The following PNPLA4 variants were observed in gnomAD, a reference collection of about 807,000 sequenced individuals.
PNPLA4 encodes the protein patatin-like phospholipase domain-containing protein 4.
PNPLA4 carries 15 observed loss-of-function variants against 18.3 expected under a neutral mutation model. That is an observed-to-expected ratio of 0.82 (90% CI 0.55 to 1.26). The LOEUF (loss-of-function observed/expected upper bound fraction) is 1.26, where lower values mean the gene tolerates loss of function less well. Among genes scored for constraint, PNPLA4 ranks in the 50% most tolerant of loss-of-function variants. The probability of loss-of-function intolerance (pLI) is 0.00; values close to 1 mark genes in which losing one functional copy is unlikely to be tolerated. For synonymous variants in PNPLA4, 88 were observed against 85.6 expected (o/e 1.03, Z -0.16); for missense variants, 229 against 196.8 (o/e 1.16, Z -0.98).
At chrX:7,922,197 G>T in intron 2 of PNPLA4, 99 bp from the exon 3 acceptor site, 1 of 604,567 alleles carries the variant, frequency 1.7e-6, no homozygotes, top group Admixed American at 2.8e-5. Context: ...AGCAAATGTA[G>T]GGTGTCATGT....
chrX:7,908,368 A>C, intron 5 of PNPLA4, among the ~76,000 whole-genome samples: 1 of 112,447 alleles, frequency 8.9e-6, no homozygotes. Flanking sequence ...CTGTATGAAA[A>C]CATGAAAATC....
At chrX:7,921,897 C>T in intron 3 of PNPLA4, 49 bp from the exon 4 acceptor site, 4 of 1,141,166 alleles carry the variant, frequency 3.5e-6, no homozygotes, top group Non-Finnish European at 3.6e-6. Context: ...TTATTGAACT[C>T]CCTGTAAATA....
chrX:7,906,279 C>T (rs769573895), intron 5 of PNPLA4, among the ~76,000 whole-genome samples: 17 of 111,451 alleles, frequency 1.5e-4, no homozygotes, highest in Non-Finnish European at 2.8e-4. Context: ...CTTCCAATTA[C>T]GGTGGGAAGA....
chrX:7,903,076 G>A (rs933202299), intron 5 of PNPLA4, among the ~76,000 whole-genome samples: 15 of 111,806 alleles, frequency 1.3e-4, no homozygotes, highest in Non-Finnish European at 2.4e-4. Context: ...TGAAAGTCCT[G>A]TATGCAGGAA....
At chrX:7,906,883 A>T (rs1185558411) in intron 5 of PNPLA4, among the ~76,000 whole-genome samples, 1 of 112,594 alleles carries the variant, frequency 8.9e-6, no homozygotes, top group Non-Finnish European at 1.9e-5. Flanking sequence ...ACAACAGTGC[A>T]TTTTCACGTT....
intron 2 of PNPLA4, among the ~76,000 whole-genome samples, chrX:7,923,608 G>A (rs1164488889): frequency 8.0e-5 from 9 of 111,980 alleles, no homozygotes; most frequent in African/African-American, 2.9e-4. Flanking sequence ...GGTTGCCAAA[G>A]GTTTCCCTCC....
intron 4 of PNPLA4, among the ~76,000 whole-genome samples, chrX:7,912,685 A>G (rs1057310632): frequency 1.8e-5 from 2 of 112,531 alleles, no homozygotes; most frequent in Middle Eastern, 4.6e-3. Flanking sequence ...GGAAATTACC[A>G]TTCCATACAT....
chrX:7,902,856 C>A (rs1923583389), intron 5 of PNPLA4, among the ~76,000 whole-genome samples: 1 of 111,982 alleles, frequency 8.9e-6, no homozygotes, highest in Admixed American at 9.5e-5. Flanking sequence ...GAAATGGTGA[C>A]TGAAGAACCA....
chrX:7,915,642 G>T (rs1924024555), intron 4 of PNPLA4, among the ~76,000 whole-genome samples: 2 of 111,920 alleles, frequency 1.8e-5, no homozygotes, highest in African/African-American at 6.5e-5. Context: ...TTCCCGACAC[G>T]TTCTGATTGA....
chrX:7,904,861 AG>A (rs1405877997), intron 5 of PNPLA4, among the ~76,000 whole-genome samples: 2 of 111,460 alleles, frequency 1.8e-5, no homozygotes, highest in Non-Finnish European at 3.8e-5. Context: ...CTACCCCGTT[AG>A]AGTTTTCCTG....
chrX:7,916,842 G>C (rs916325829), intron 4 of PNPLA4, among the ~76,000 whole-genome samples: 8 of 111,901 alleles, frequency 7.1e-5, no homozygotes, highest in African/African-American at 2.6e-4. Context: ...ATAAAGACAT[G>C]ATTTTGGAGG....
intron 2 of PNPLA4, among the ~76,000 whole-genome samples, chrX:7,924,798 T>C (rs1252122648): frequency 8.9e-6 from 1 of 112,322 alleles, no homozygotes; most frequent in African/African-American, 3.2e-5. Context: ...CATTTTTTAA[T>C]TTGCTGATAA....
chrX:7,908,465 C>T (rs1204663584), intron 5 of PNPLA4, among the ~76,000 whole-genome samples: 1 of 112,341 alleles, frequency 8.9e-6, no homozygotes, highest in Non-Finnish European at 1.9e-5. Context: ...TAAAACACTG[C>T]ATTTAAAGCA....
intron 5 of PNPLA4, 121 bp downstream of exon 5, chrX:7,911,907 A>G: frequency 6.5e-6 from 3 of 464,388 alleles, no homozygotes; most frequent in South Asian, 3.2e-5. Context: ...AAACAAAGCT[A>G]TTTAGGAGGA....
upstream of PNPLA4, chrX:7,927,475 G>A (rs1924475949): frequency 8.8e-6 from 1 of 113,568 alleles, no homozygotes; most frequent in Non-Finnish European, 1.9e-5. Flanking sequence ...GCCGACGAAG[G>A]CGCCCGCTAG....
chrX:7,909,319 G>A (rs1306265010), intron 5 of PNPLA4, among the ~76,000 whole-genome samples: 1 of 111,677 alleles, frequency 9.0e-6, no homozygotes, highest in African/African-American at 3.3e-5. Context: ...CAGCACTTTC[G>A]GAAGCCAAGG....
intron 5 of PNPLA4, among the ~76,000 whole-genome samples, chrX:7,909,786 T>C: frequency 9.0e-6 from 1 of 110,919 alleles, no homozygotes; most frequent in East Asian, 2.8e-4. Flanking sequence ...ACAACTTTCC[T>C]TGTACTGTAA....
rs144760230 is a variant in PNPLA4, at chrX:7,905,996, T to C, written c.478-3855A>G. 3.2e-3 allele frequency among the ~76,000 whole-genome samples: 361 copies of C among 112,582 alleles called. 1 individual carries two copies. The highest frequency in any genetic ancestry group is 0.011 in the African/African-American group (342 of 31,009). Reference sequence around the variant, plus strand: ...AGAATATACAGGCAAGAAGGGATAGTTGTCTTTTCACTTCAGGTTTTTTTT... The same window carrying C: ...AGAATATACAGGCAAGAAGGGATAGCTGTCTTTTCACTTCAGGTTTTTTTT... On this transcript the variant is annotated intron_variant, in intron 5 of 6. Coordinates refer to ENST00000381042, the MANE Select transcript of PNPLA4 (RefSeq NM_004650.3).
chrX:7,918,104 G>A (rs2146763647), intron 4 of PNPLA4, among the ~76,000 whole-genome samples: 1 of 112,058 alleles, frequency 8.9e-6, no homozygotes, highest in South Asian at 3.7e-4. Flanking sequence ...TCTAACTTGA[G>A]TTTTAATCAA....
Sources: gnomAD v4.1 joint callset for allele counts (sites outside exome capture counted in the v4.1 genomes callset) on GRCh38, gnomAD v4.1.1 for gene constraint, MANE v1.5 for transcripts, NCBI Gene and HGNC (gene_info 2026-07-23, HGNC 2026-07-21) for gene names.